HERC1: variants seen among roughly 807,000 people sequenced by gnomAD.
HERC1 encodes probable E3 ubiquitin-protein ligase HERC1.
Under a neutral mutation model 554.3 loss-of-function variants are expected in HERC1, and 160 were observed. That is an observed-to-expected ratio of 0.29 (90% CI 0.25 to 0.33). HERC1 has a LOEUF of 0.33. Ranked by LOEUF, HERC1 falls within the 10% of genes least tolerant of loss-of-function variation. The pLI, the probability that HERC1 is intolerant of heterozygous loss-of-function variation, is 1.00. For synonymous variants in HERC1, 2,175 were observed against 2,131.7 expected (o/e 1.02, Z -0.56); for missense variants, 4,919 against 5,918.5 (o/e 0.83, Z 5.54).
chr15:63,708,669 T>C (rs958837327), intron 24 of HERC1, among the ~76,000 whole-genome samples: 2 of 152,192 alleles, frequency 1.3e-5, no homozygotes, highest in Non-Finnish European at 2.9e-5. Flanking sequence ...AAAACAAAGA[T>C]TTAACATTAA....
At chr15:63,821,541 T>G (rs1178821798) in intron 1 of HERC1, among the ~76,000 whole-genome samples, 7 of 118,078 alleles carry the variant, frequency 5.9e-5, no homozygotes, top group South Asian at 5.4e-4. Flanking sequence ...GGTAACAGAG[T>G]GAGACTCTGT....
intron 21 of HERC1, 65 bp from the exon 22 acceptor site, chr15:63,716,538 A>G (rs550950061): frequency 7.5e-7 from 1 of 1,326,348 alleles, no homozygotes; most frequent in East Asian, 2.5e-5. Context: ...AAACTTTAAA[A>G]AACCTTTAAT....
chr15:63,828,149 CAG>C (rs1320452489), intron 1 of HERC1, among the ~76,000 whole-genome samples: 11 of 151,942 alleles, frequency 7.2e-5, no homozygotes, highest in Non-Finnish European at 1.5e-4. Context: ...GTAACTGTAT[CAG>C]AAGAAAAGGA....
intron 1 of HERC1, among the ~76,000 whole-genome samples, chr15:63,824,691 C>T (rs2077824273): frequency 6.6e-6 from 1 of 152,026 alleles, no homozygotes; most frequent in African/African-American, 2.4e-5. Flanking sequence ...ATGGAACCAA[C>T]CTACACGTCT....
intron 55 of HERC1, 80 bp from the exon 56 acceptor site, chr15:63,645,762 T>C (rs1165765852): frequency 2.9e-5 from 23 of 786,490 alleles, no homozygotes; most frequent in African/African-American, 8.8e-5. Context: ...ACATAACTTA[T>C]ATTTCTTAGC....
At chr15:63,726,050 T>A (rs1217152742) in intron 17 of HERC1, among the ~76,000 whole-genome samples, 3 of 152,130 alleles carry the variant, frequency 2.0e-5, no homozygotes, top group African/African-American at 7.2e-5. Context: ...GGCATGATCT[T>A]GGGTCACTGA....
At chr15:63,731,882 C>T (rs981552477) in intron 14 of HERC1, among the ~76,000 whole-genome samples, 1 of 152,124 alleles carries the variant, frequency 6.6e-6, no homozygotes, top group Non-Finnish European at 1.5e-5. Flanking sequence ...TCAAGTCTTA[C>T]ATCACAGATT....
At chr15:63,698,405 C>T (rs187808151) in intron 26 of HERC1, among the ~76,000 whole-genome samples, 20 of 133,188 alleles carry the variant, frequency 1.5e-4, no homozygotes, top group Middle Eastern at 8.8e-3. Context: ...GCAACGAGAG[C>T]GAAACTCCGT....
At chr15:63,725,963 G>A (rs1015982915) in intron 17 of HERC1, among the ~76,000 whole-genome samples, 1 of 151,390 alleles carries the variant, frequency 6.6e-6, no homozygotes. Flanking sequence ...CCAGACCCAT[G>A]CTTTCTTTTT....
chr15:63,725,599 A>C, intron 17 of HERC1, 86 bp from the exon 18 acceptor site: 1 of 1,001,156 alleles, frequency 1.0e-6, no homozygotes, highest in South Asian at 1.5e-5. Context: ...CCGTACTGCA[A>C]TAAGATACTG....
intron 1 of HERC1, among the ~76,000 whole-genome samples, chr15:63,776,696 T>C (rs1394255161): frequency 1.3e-5 from 2 of 152,172 alleles, no homozygotes; most frequent in Non-Finnish European, 2.9e-5. Context: ...CTGGGCATGG[T>C]GGCTCACACC....
chr15:63,738,986 T>C (rs1440100591), intron 12 of HERC1, among the ~76,000 whole-genome samples: 9 of 152,050 alleles, frequency 5.9e-5, no homozygotes, highest in Non-Finnish European at 1.3e-4. Context: ...AGTTTATTTT[T>C]TTTTTTTCAA....
chr15:63,651,812 C>T (rs1370223639), intron 52 of HERC1, among the ~76,000 whole-genome samples: 3 of 152,086 alleles, frequency 2.0e-5, no homozygotes, highest in Non-Finnish European at 4.4e-5. Flanking sequence ...CTGGGGCAGG[C>T]AGATCAGAAG....
intron 38 of HERC1, 55 bp downstream of exon 38, chr15:63,674,287 A>T: frequency 7.0e-7 from 1 of 1,429,894 alleles, no homozygotes; most frequent in Non-Finnish European, 9.4e-7. Context: ...TCTGACAATT[A>T]TGAAAATAAT....
chr15:63,685,839 C>G (rs1835242204), intron 34 of HERC1, among the ~76,000 whole-genome samples: 1 of 152,186 alleles, frequency 6.6e-6, no homozygotes, highest in South Asian at 2.1e-4. Flanking sequence ...GGTAAACAGT[C>G]CCCTATACTG....
At chr15:63,624,626 G>A (rs997216760) in intron 71 of HERC1, among the ~76,000 whole-genome samples, 1 of 152,154 alleles carries the variant, frequency 6.6e-6, no homozygotes, top group Non-Finnish European at 1.5e-5. Flanking sequence ...GTCCAAGGAG[G>A]TTGAGGCTGC....
intron 16 of HERC1, among the ~76,000 whole-genome samples, chr15:63,728,740 G>A (rs1451854692): frequency 6.6e-6 from 1 of 152,022 alleles, no homozygotes; most frequent in Non-Finnish European, 1.5e-5. Flanking sequence ...GAGGATAGAA[G>A]GCAAAATTCG....
chr15:63,654,211 G>A lies in HERC1; in HGVS notation c.10198C>T (p.Arg3400Cys), dbSNP rs187940173. The A allele has an allele frequency of 2.5e-5, 41 of 1,613,854 alleles. No homozygotes were observed. In the Middle Eastern group the frequency reaches 6.6e-4, roughly 26 times the overall value. ...GTCTGCAGAGTAGTTTGGTTGTCAC[G>A]GTCGTGTGCAGCAAGAGTGCGCACG... ...QLVRTLAAHD[R>C]DNQTTLQTLA... The change falls in exon 51 of 78, where the codon CGT becomes TGT. Residue 3400 changes from arginine (R) to cysteine (C), a missense_variant. Arg to Cys is a radical substitution (Grantham distance 180, BLOSUM62 -3). Transcript: ENST00000443617.
Position 63,674,779 on chromosome 15 carries a change from G to A in HERC1, c.7409C>T (p.Pro2470Leu). The change falls in exon 38 of 78, where the codon CCA (proline) becomes CTA (leucine). Residue 2470 changes from proline (P) to leucine (L), a missense_variant. Around this residue, in one of 11 missense-constraint regions of HERC1, gnomAD observed 1,963 missense variants for 2,228.6 expected, o/e 0.88. Transcript: ENST00000443617. ...TTGGGATTCCACACTTGGCAGTGTT[G>A]GATCTAAAGAAAATGAAGCGATTTC... ...ENEIASFSLD[P>L]TLPSVESQHQ... The A allele has an allele frequency of 1.9e-6, 3 of 1,613,894 alleles. No homozygotes were observed. The highest frequency in any genetic ancestry group is 2.5e-6 in the Non-Finnish European group (3 of 1,179,860).
Sources: allele counts gnomAD v4.1 joint callset (sites outside exome capture counted in the v4.1 genomes callset), GRCh38; gene constraint gnomAD v4.1.1; regional missense constraint gnomAD v4.1.1; transcripts MANE v1.5; gene names NCBI Gene and HGNC (gene_info 2026-07-23, HGNC 2026-07-21).